WDR20: variants seen among roughly 807,000 people sequenced by gnomAD.
WDR20 encodes WD repeat domain 20.
A neutral mutation model predicts 38.7 loss-of-function variants in WDR20; 3 were observed. That is an observed-to-expected ratio of 0.08 (90% confidence interval 0.04 to 0.20). WDR20 has a LOEUF of 0.20. WDR20 is among the 10% of genes least tolerant of loss of function. The pLI is 1.00. For synonymous variants in WDR20, 298 were observed against 285.6 expected, an observed-to-expected ratio of 1.04 and a Z score of -0.44; for missense variants, 559 against 727.7, an observed-to-expected ratio of 0.77 and a Z score of 2.67.
chr14:102,153,829 A>T (rs2056735131), intron 1 of WDR20, among the ~76,000 whole-genome samples: 1 of 152,158 alleles, frequency 6.6e-6, no homozygotes, highest in African/African-American at 2.4e-5. Context: ...CATCCATCAG[A>T]GAACCTACTC....
intron 1 of WDR20, among the ~76,000 whole-genome samples, chr14:102,194,050 C>T (rs999557754): frequency 6.6e-6 from 1 of 152,232 alleles, no homozygotes; most frequent in Non-Finnish European, 1.5e-5. Flanking sequence ...GACTCTCTCT[C>T]CCCATCCCCT....
At position 102,165,012 on chromosome 14, in the gene WDR20, C is replaced by T. The variant is rs558428126; in HGVS notation, c.249+24840C>T. Among the ~76,000 whole-genome samples the T allele has an allele frequency of 3.9e-5, 6 of 152,318 alleles. No individual in the cohort carries two copies. The East Asian group carries it at 9.6e-4, about 24-fold the overall frequency. ...TACGACATATGCTCCGGCAGAGTTCCGTCTCTGCCACTGGCAGCTTAAGAT... is the reference window on the plus strand; with the variant it reads ...TACGACATATGCTCCGGCAGAGTTCTGTCTCTGCCACTGGCAGCTTAAGAT... On this transcript the variant is annotated intron_variant, in intron 1 of 2. Coordinates refer to ENST00000342702, the MANE Select transcript of WDR20 (RefSeq NM_144574.4).
At chr14:102,210,965 A>AT (rs1315203712), downstream of WDR20, among the ~76,000 whole-genome samples, 1 of 152,116 alleles carries the variant, frequency 6.6e-6, no homozygotes, top group Non-Finnish European at 1.5e-5. Context: ...GACGCTGGCC[A>AT]TGTGCGTAGG....
chr14:102,188,108 C>G (rs2065313090), intron 1 of WDR20, among the ~76,000 whole-genome samples: 2 of 152,194 alleles, frequency 1.3e-5, no homozygotes, highest in Non-Finnish European at 2.9e-5. Flanking sequence ...CCACCTGATT[C>G]ATTTAAAATT....
chr14:102,204,634 T>C (rs939182907), intron 2 of WDR20, among the ~76,000 whole-genome samples: 1 of 152,334 alleles, frequency 6.6e-6, no homozygotes, highest in Non-Finnish European at 1.5e-5. Context: ...ACTGATAATA[T>C]GGCGACAATC....
intron 2 of WDR20, among the ~76,000 whole-genome samples, chr14:102,201,700 G>T (rs915417227): frequency 2.6e-5 from 4 of 152,206 alleles, no homozygotes; most frequent in Non-Finnish European, 5.9e-5. Context: ...GACGTACATA[G>T]AAATGTGTCT....
At chr14:102,212,483 A>C, downstream of WDR20, 2 of 1,534,584 alleles carry the variant, frequency 1.3e-6, no homozygotes, top group Non-Finnish European at 1.7e-6. Context: ...CTCTGTGTCC[A>C]CTCTGCCCCT....
Position 102,170,546 on chromosome 14 carries a change from G to A in WDR20, c.250-24392G>A, listed in dbSNP as rs1443718134. Among the ~76,000 whole-genome samples, 3 of 151,390 alleles carry A rather than the reference G, an allele frequency of 2.0e-5. No individual in the cohort carries two copies. In the South Asian group the frequency reaches 6.2e-4, roughly 32 times the overall value. On this transcript the variant is annotated intron_variant, in intron 1 of 2. Transcript: ENST00000342702. The stretch of plus-strand genomic sequence containing the variant: ...TGTGCTATGAATTAAGCATTGTTTT[G>A]TATATTTAAGAGCCATCTGTATTTT...
intron 1 of WDR20, among the ~76,000 whole-genome samples, chr14:102,171,753 CAA>C (rs1309228325): frequency 6.6e-6 from 1 of 151,558 alleles, no homozygotes; most frequent in African/African-American, 2.4e-5. Flanking sequence ...TGTGTTAAAA[CAA>C]ATTTTATAGA....
At chr14:102,191,634 A>G (rs2066466048) in intron 1 of WDR20, among the ~76,000 whole-genome samples, 2 of 152,196 alleles carry the variant, frequency 1.3e-5, no homozygotes, top group South Asian at 4.2e-4. Flanking sequence ...AATTTTTTTT[A>G]TGGGCACATA....
intron 1 of WDR20, among the ~76,000 whole-genome samples, chr14:102,162,590 T>C (rs1225579871): frequency 1.3e-5 from 2 of 152,122 alleles, no homozygotes; most frequent in South Asian, 2.1e-4. Context: ...TCTCTCTTTC[T>C]TTCTTTTTCT....
At chr14:102,192,630 C>T (rs947696531) in intron 1 of WDR20, among the ~76,000 whole-genome samples, 4 of 152,146 alleles carry the variant, frequency 2.6e-5, no homozygotes, top group African/African-American at 4.8e-5. Flanking sequence ...AAGTCTAACT[C>T]TAAACTGGTG....
Position 102,209,827 on chromosome 14 carries a change from G to A in WDR20, c.1657G>A (p.Gly553Arg), listed in dbSNP as rs2062198405. ...EDCIVTACQE[G>R]FICTWGRPGK... ...CTGTATAGTCACTGCTTGTCAGGAG[G>A]GATTTATTTGCACATGGGGAAGGCC... The change falls in exon 3 of 3, where the codon GGA (glycine) becomes AGA (arginine). Residue 553 changes from glycine (G) to arginine (R), a missense_variant. By Grantham distance (125) the Gly-to-Arg change is moderately radical (BLOSUM62 -2). Transcript: ENST00000342702. This position sits in a 1 kb window ranked among gnomAD's most constrained non-coding sequence, Gnocchi z 6.0. 1 of 1,613,362 alleles carries A rather than the reference G, an allele frequency of 6.2e-7. No homozygotes were observed. The highest frequency in any genetic ancestry group is 1.3e-5 in the African/African-American group (1 of 74,880).
chr14:102,178,650 G>C (rs992004977), intron 1 of WDR20, among the ~76,000 whole-genome samples: 1 of 151,786 alleles, frequency 6.6e-6, no homozygotes, highest in East Asian at 1.9e-4. Context: ...AGCATGCCAG[G>C]TAATTCTGAT....
intron 1 of WDR20, among the ~76,000 whole-genome samples, chr14:102,152,476 G>A (rs187838857): frequency 9.2e-5 from 14 of 151,770 alleles, no homozygotes; most frequent in Non-Finnish European, 1.5e-4. Flanking sequence ...GTACAGTGGG[G>A]TGATCTCGGC....
chr14:102,151,885 G>T (rs2056004198), intron 1 of WDR20, among the ~76,000 whole-genome samples: 1 of 151,536 alleles, frequency 6.6e-6, no homozygotes, highest in Non-Finnish European at 1.5e-5. Context: ...GTCTATAGGA[G>T]CATGCTACCA....
Position 102,209,226 on chromosome 14 carries a change from C to G in WDR20, c.1056C>G (p.Leu352=), listed in dbSNP as rs756985462. 60 of 1,614,210 alleles carry G rather than the reference C, an allele frequency of 3.7e-5. No individual in the cohort carries two copies. The highest frequency in any genetic ancestry group is 4.9e-5 in the Non-Finnish European group (58 of 1,180,048). The change falls in exon 3 of 3, where the codon CTC becomes CTG. Residue 352 remains leucine, a synonymous_variant. Transcript: ENST00000342702. The surrounding 1 kb of genome is among the most constrained non-coding windows in gnomAD (Gnocchi z 6.0). ...RDRANSTQSR[L]SKRNSTDSRP... ...GAGCAAATAGTACACAGTCCAGGCT[C>G]TCCAAACGGAACTCTACAGACAGCC... is the stretch of plus-strand genomic sequence containing the variant.
chr14:102,147,681 A>G (rs1476761770), intron 1 of WDR20, among the ~76,000 whole-genome samples: 1 of 146,428 alleles, frequency 6.8e-6, no homozygotes, highest in Non-Finnish European at 1.5e-5. Context: ...GGATTTTGTC[A>G]CTGAGTGGTT....
At chr14:102,216,518 T>G (rs979446970), downstream of WDR20, among the ~76,000 whole-genome samples, 28 of 152,198 alleles carry the variant, frequency 1.8e-4, no homozygotes, top group African/African-American at 6.3e-4. Context: ...AGGCTAGCAC[T>G]GAGTAGATTT....
Sources: gnomAD v4.1 joint callset for allele counts (sites outside exome capture counted in the v4.1 genomes callset) on GRCh38, gnomAD v4.1.1 for gene constraint, Gnocchi (gnomAD v3.1) non-coding constraint, MANE v1.5 for transcripts, NCBI Gene and HGNC (gene_info 2026-07-23, HGNC 2026-07-21) for gene names.